The following TMEM117 variants were observed in gnomAD, a reference collection of about 807,000 sequenced individuals.
TMEM117 encodes transmembrane protein 117.
In TMEM117, 27 loss-of-function variants were observed where a neutral mutation model predicts 52.4. The ratio of observed to expected loss-of-function variants is 0.51; its 90% CI spans 0.38 to 0.71. The LOEUF (loss-of-function observed/expected upper bound fraction) is 0.71. Among genes scored for constraint, TMEM117 ranks in the 30% least tolerant of loss-of-function variants. TMEM117 has a pLI of 0.00. For synonymous variants in TMEM117, 215 were observed against 206.3 expected, an observed-to-expected ratio of 1.04 and a Z score of -0.36; for missense variants, 556 against 630.5, an observed-to-expected ratio of 0.88 and a Z score of 1.26.
intron 4 of TMEM117, among the ~76,000 whole-genome samples, chr12:44,149,877 G>A (rs752607021): frequency 1.3e-5 from 2 of 152,116 alleles, no homozygotes; most frequent in Non-Finnish European, 2.9e-5. Context: ...CAGTTTAATT[G>A]AACTTCATAA....
At chr12:44,261,928 A>G (rs1188649736) in intron 5 of TMEM117, among the ~76,000 whole-genome samples, 1 of 152,194 alleles carries the variant, frequency 6.6e-6, no homozygotes, top group Admixed American at 6.5e-5. Flanking sequence ...TTTGGGTATG[A>G]ATTACAAGTT....
intron 6 of TMEM117, among the ~76,000 whole-genome samples, chr12:44,323,983 A>C (rs963003954): frequency 5.3e-5 from 8 of 151,874 alleles, no homozygotes; most frequent in African/African-American, 1.9e-4. Context: ...GGTATACTCT[A>C]TTTTTTTCCT....
chr12:44,248,108 A>G (rs1950153021), intron 5 of TMEM117, among the ~76,000 whole-genome samples: 1 of 152,130 alleles, frequency 6.6e-6, no homozygotes, highest in African/African-American at 2.4e-5. Flanking sequence ...ACAGGATCAC[A>G]GGGTTTGGGA....
chr12:44,363,257 A>C (rs1305850865), intron 6 of TMEM117, among the ~76,000 whole-genome samples: 1 of 152,170 alleles, frequency 6.6e-6, no homozygotes, highest in Non-Finnish European at 1.5e-5. Context: ...CCTGCCATGT[A>C]GTATCATTTT....
At chr12:44,359,338 A>C (rs1951692073) in intron 6 of TMEM117, among the ~76,000 whole-genome samples, 1 of 152,154 alleles carries the variant, frequency 6.6e-6, no homozygotes, top group Admixed American at 6.6e-5. Context: ...AGATTATTTT[A>C]AAACCATCTA....
intron 6 of TMEM117, among the ~76,000 whole-genome samples, chr12:44,300,719 G>T (rs1950829087): frequency 6.6e-6 from 1 of 152,004 alleles, no homozygotes; most frequent in Non-Finnish European, 1.5e-5. Context: ...TACTTTAATG[G>T]ATAATATTTT....
At chr12:43,898,401 A>C (rs191197021) in intron 2 of TMEM117, among the ~76,000 whole-genome samples, 191 of 149,574 alleles carry the variant, frequency 1.3e-3, no homozygotes, top group Middle Eastern at 3.6e-3. Flanking sequence ...TATATTAATA[A>C]TTAATAATAC....
At chr12:44,244,416 G>A (rs1950103447) in intron 5 of TMEM117, 1 of 151,794 alleles carries the variant, frequency 6.6e-6, no homozygotes, top group East Asian at 1.9e-4. Flanking sequence ...CCATTTGTAT[G>A]TATTTTCTCC....
chr12:44,269,429 A>G (rs190937314), intron 5 of TMEM117, among the ~76,000 whole-genome samples: 1 of 152,102 alleles, frequency 6.6e-6, no homozygotes, highest in Non-Finnish European at 1.5e-5. Context: ...GTGATAGGAA[A>G]TTTACTGTCT....
In TMEM117 at chr12:44,326,660, T is replaced by C. The variant is rs548412027; in HGVS notation, c.768+26921T>C. Among the ~76,000 whole-genome samples the C allele has an allele frequency of 1.2e-4, 18 of 152,362 alleles. No homozygotes were observed. In the South Asian group the frequency reaches 1.7e-3, roughly 14 times the overall value. ...ATCTTCCACTGTGAGTTTTCCTTTA[T>C]AAAACAGCTCTGATCATATCACTCC... is the stretch of plus-strand genomic sequence containing the variant. On this transcript the variant is annotated intron_variant, in intron 6 of 7. Transcript: ENST00000266534.
the TMEM117 span, among the ~76,000 whole-genome samples, chr12:43,824,518 G>A: frequency 3.1e-4 from 47 of 152,320 alleles, no homozygotes; most frequent in African/African-American, 1.1e-3. Flanking sequence ...CAGCAGATAA[G>A]GTGGAGCCTG....
chr12:44,383,472 A>C (rs1327976704), intron 7 of TMEM117, among the ~76,000 whole-genome samples: 1 of 152,208 alleles, frequency 6.6e-6, no homozygotes, highest in Non-Finnish European at 1.5e-5. Context: ...AGTAGGATTC[A>C]TTAAAAGCCC....
At chr12:44,121,639 G>A (rs1320382985) in intron 3 of TMEM117, among the ~76,000 whole-genome samples, 4 of 152,074 alleles carry the variant, frequency 2.6e-5, no homozygotes, top group Non-Finnish European at 5.9e-5. Flanking sequence ...TGGCTTCCAG[G>A]CAACAGTAGC....
the TMEM117 span, among the ~76,000 whole-genome samples, chr12:44,398,802 A>T: frequency 6.6e-6 from 1 of 152,196 alleles, no homozygotes; most frequent in Non-Finnish European, 1.5e-5. Context: ...GGCAGGGAAG[A>T]TTGCATTTGT....
At chr12:44,121,504 T>C (rs974602973) in intron 3 of TMEM117, among the ~76,000 whole-genome samples, 1 of 152,222 alleles carries the variant, frequency 6.6e-6, no homozygotes, top group East Asian at 1.9e-4. Context: ...TAATGAATAG[T>C]AAATATATTT....
At chr12:43,859,914 A>C (rs889095637) in intron 2 of TMEM117, among the ~76,000 whole-genome samples, 4 of 152,240 alleles carry the variant, frequency 2.6e-5, no homozygotes, top group Non-Finnish European at 5.9e-5. Flanking sequence ...TTGCTGAAAG[A>C]AACAAATGTG....
At chr12:43,806,465 C>T in the TMEM117 span, 614 of 965,000 alleles carry the variant, frequency 6.4e-4, 9 homozygotes, top group East Asian at 0.029. Context: ...CCTCGCTATC[C>T]TAGTTCTCTG....
At chr12:43,935,078 G>A (rs1218897095) in intron 2 of TMEM117, among the ~76,000 whole-genome samples, 1 of 151,996 alleles carries the variant, frequency 6.6e-6, no homozygotes, top group Non-Finnish European at 1.5e-5. Context: ...CATGATCATG[G>A]CTCACTGCAG....
At chr12:44,204,600 C>T (rs1949539451) in intron 4 of TMEM117, among the ~76,000 whole-genome samples, 1 of 151,896 alleles carries the variant, frequency 6.6e-6, no homozygotes, top group Non-Finnish European at 1.5e-5. Flanking sequence ...ATAGCCAAAG[C>T]AATCCTAAGC....
Sources: allele counts gnomAD v4.1 joint callset (sites outside exome capture counted in the v4.1 genomes callset), GRCh38; gene constraint gnomAD v4.1.1; transcripts MANE v1.5; gene names NCBI Gene and HGNC (gene_info 2026-07-23, HGNC 2026-07-21).